The following TET1 variants were observed in gnomAD, a reference collection of about 807,000 sequenced individuals.
TET1 encodes tet methylcytosine dioxygenase 1, also known as methylcytosine dioxygenase TET1.
Under a neutral mutation model 148.7 loss-of-function variants are expected in TET1, and 13 were observed. That is an observed-to-expected ratio of 0.09 (90% CI 0.06 to 0.14). The LOEUF is 0.14. TET1 is among the 10% of genes least tolerant of loss of function. The probability of loss-of-function intolerance (pLI) is 1.00; values close to 1 mark genes in which losing one functional copy is unlikely to be tolerated. For missense variants in TET1, 2,182 were observed against 2,553.8 expected, an observed-to-expected ratio of 0.85 and a Z score of 3.14; for synonymous variants, 907 against 937.2, an observed-to-expected ratio of 0.97 and a Z score of 0.59.
intron 3 of TET1, among the ~76,000 whole-genome samples, chr10:68,601,594 T>C (rs2054056423): frequency 6.6e-6 from 1 of 152,232 alleles, no homozygotes; most frequent in African/African-American, 2.4e-5. Flanking sequence ...ATGTTTTCTT[T>C]ATTTTCTATA....
rs2053536427 is a variant in TET1 at position 68,560,379 on chromosome 10, G to C, written c.-486G>C. Among the ~76,000 whole-genome samples, 1 of 152,204 alleles carries C rather than the reference G, an allele frequency of 6.6e-6. No homozygotes were observed. The highest frequency in any genetic ancestry group is 2.4e-5 in the African/African-American group (1 of 41,464). On this transcript the variant is annotated 5_prime_UTR_variant, in exon 1 of 12. Transcript: ENST00000373644. ...CTGGGGAGACACTGCTGCTCCGGGG[G>C]GCTGACCTGGCGGGGAGTGGCCGCG...
At chr10:68,618,747 G>T (rs1182493125) in intron 3 of TET1, among the ~76,000 whole-genome samples, 1 of 152,200 alleles carries the variant, frequency 6.6e-6, no homozygotes, top group Non-Finnish European at 1.5e-5. Flanking sequence ...AGGGCAACAT[G>T]TCAAAGTGTA....
At chr10:68,599,730 G>A (rs1482460975) in intron 2 of TET1, among the ~76,000 whole-genome samples, 1 of 152,240 alleles carries the variant, frequency 6.6e-6, no homozygotes, top group African/African-American at 2.4e-5. Flanking sequence ...TAGATGCTCA[G>A]TGACAGTTGA....
intron 3 of TET1, among the ~76,000 whole-genome samples, chr10:68,624,080 C>G (rs1282420820): frequency 1.3e-5 from 2 of 148,682 alleles, no homozygotes; most frequent in Admixed American, 6.8e-5. Flanking sequence ...CACATATTTT[C>G]TTTTTTCTTT....
In TET1 at chr10:68,595,951, TATATATATATACACAC is replaced by T. The variant is rs1162721115; in HGVS notation, c.1915-5028_1915-5013del. Among the ~76,000 whole-genome samples the T allele has an allele frequency of 1.9e-3, 61 of 31,946 alleles. 2 individuals carry two copies. The highest frequency in any genetic ancestry group is 0.03 in the Middle Eastern group (2 of 66). The allele number at this position is 31,946 out of a possible 152,430, so 21.0% of individuals were successfully genotyped here. A position where few individuals can be genotyped will look rare whatever the true frequency, so the allele number is the denominator to read the frequency against. ...ATATATATATATATATATATATATA[TATATATATATACACAC>T]ACACACACACATATATACACACACA... On this transcript the variant is annotated intron_variant, in intron 2 of 11. Coordinates refer to ENST00000373644, the MANE Select transcript of TET1 (RefSeq NM_030625.3).
chr10:68,644,039 G>T (rs181869361), intron 3 of TET1, among the ~76,000 whole-genome samples: 4 of 151,444 alleles, frequency 2.6e-5, no homozygotes, highest in African/African-American at 7.3e-5. Context: ...CAAGTAGCTG[G>T]GATTACAGGT....
At chr10:68,587,352 T>A (rs1305387126) in intron 2 of TET1, among the ~76,000 whole-genome samples, 1 of 152,182 alleles carries the variant, frequency 6.6e-6, no homozygotes, top group African/African-American at 2.4e-5. Flanking sequence ...GGAGTGGATA[T>A]AGGTTAGATT....
At position 68,645,893 on chromosome 10, in the gene TET1, G is replaced by T; in HGVS notation, c.3164G>T (p.Ser1055Ile). Residue 1055 changes from serine (S) to isoleucine (I), a missense_variant, in exon 4 of 12, where the codon AGC becomes ATC. Coordinates refer to ENST00000373644, the MANE Select transcript of TET1 (RefSeq NM_030625.3). The stretch of plus-strand genomic sequence containing the variant: ...TATTGCAACCAGTTACTGGACAGCA[G>T]CAAAAAATTGGACTCAGATGATCTA... ...VEYCNQLLDS[S>I]KKLDSDDLSC... 6.2e-7 allele frequency: 1 copy of T among 1,613,878 alleles called. No individual in the cohort carries two copies. The highest frequency in any genetic ancestry group is 8.5e-7 in the Non-Finnish European group (1 of 1,179,996).
intron 6 of TET1, among the ~76,000 whole-genome samples, chr10:68,661,083 G>GC (rs1185110706): frequency 5.3e-5 from 8 of 150,942 alleles, no homozygotes; most frequent in Non-Finnish European, 1.2e-4. Context: ...AGGCTGGAGT[G>GC]CAGTGGTGCG....
chr10:68,584,486 A>G (rs1176691363), intron 2 of TET1, among the ~76,000 whole-genome samples: 1 of 151,784 alleles, frequency 6.6e-6, no homozygotes, highest in African/African-American at 2.4e-5. Context: ...GGGCTGGCAG[A>G]TCACTTGAGG....
rs543795938 is a variant in TET1, at chr10:68,661,871, A to T, written c.4462-5174A>T. Among the ~76,000 whole-genome samples, 682 of 121,592 alleles carry T rather than the reference A, an allele frequency of 5.6e-3. 7 individuals carry two copies. Among genetic ancestry groups the T allele is most frequent in the African/African-American group, 0.019 (608 of 32,568 alleles). The allele number at this position is 121,592 out of a possible 152,430, so 79.8% of individuals were successfully genotyped here. On this transcript the variant is annotated intron_variant, in intron 6 of 11. Transcript: ENST00000373644. ...TTGTGGGTTTTTTAATTTAAAAAAA[A>T]TTTTTTTTCTTTTTTTTTTTTTTTT...
In TET1 at chr10:68,644,766, T is replaced by C. The variant is rs764293929; in HGVS notation, c.2037T>C (p.His679=). 13 of 1,613,234 alleles carry C rather than the reference T, an allele frequency of 8.1e-6. No individual in the cohort carries two copies. In the South Asian group the frequency reaches 1.3e-4, roughly 16 times the overall value. Reference sequence around the variant, plus strand: ...CCATGGACTACAGTAGATGTGGTCATGGGGAAGAACAAAAATTGGAATTGA... The same window carrying C: ...CCATGGACTACAGTAGATGTGGTCACGGGGAAGAACAAAAATTGGAATTGA... ...SESMDYSRCG[H]GEEQKLELNP... Residue 679 remains histidine (H), a synonymous_variant, in exon 4 of 12, where the codon CAT becomes CAC. Transcript: ENST00000373644.
chr10:68,644,899 G>A lies in TET1; in HGVS notation c.2170G>A (p.Gly724Arg), dbSNP rs2133083635. The change falls in exon 4 of 12, where the codon GGA becomes AGA. Residue 724 changes from glycine to arginine, a missense_variant. Transcript: ENST00000373644. ...ATCACAGTTAACTGATCACGTGAAA[G>A]GAGATTTTAGTGCTAATGTCCCAGA... is the stretch of plus-strand genomic sequence containing the variant. ...KKSQLTDHVK[G>R]DFSANVPEAE... is the part of the protein sequence containing the mutation. The A allele has an allele frequency of 6.2e-7, 1 of 1,612,392 alleles. No individual in the cohort carries two copies. Among genetic ancestry groups the A allele is most frequent in the Non-Finnish European group, 8.5e-7 (1 of 1,179,466 alleles).
intron 7 of TET1, among the ~76,000 whole-genome samples, chr10:68,669,273 A>G (rs111689299): frequency 2.0e-5 from 3 of 151,888 alleles, no homozygotes; most frequent in African/African-American, 7.2e-5. Flanking sequence ...CAGTTCACAA[A>G]TACAGAAAGA....
chr10:68,670,665 G>A (rs540159324), intron 7 of TET1, among the ~76,000 whole-genome samples: 1 of 152,102 alleles, frequency 6.6e-6, no homozygotes, highest in South Asian at 2.1e-4. Flanking sequence ...CTTTTTCAAT[G>A]ATATGAATAA....
intron 7 of TET1, among the ~76,000 whole-genome samples, chr10:68,672,322 T>C (rs1194072986): frequency 6.6e-6 from 1 of 151,236 alleles, no homozygotes; most frequent in African/African-American, 2.4e-5. Flanking sequence ...AACCCGTCTC[T>C]ACTAAAAATA....
At chr10:68,689,392 C>A (rs1413818830) in intron 11 of TET1, among the ~76,000 whole-genome samples, 1 of 152,048 alleles carries the variant, frequency 6.6e-6, no homozygotes, top group Non-Finnish European at 1.5e-5. Context: ...TTTGCACTTC[C>A]AAATAGTTTT....
Position 68,644,823 on chromosome 10 carries a change from T to G in TET1, c.2094T>G (p.Asn698Lys), listed in dbSNP as rs755923441. ...ATACTGTTGAAAATGTAACTAAAAA[T>G]GAAGACAGCATGACAGGCATCGAGG... ...NPHTVENVTK[N>K]EDSMTGIEVE... The change falls in exon 4 of 12, where the codon AAT (asparagine) becomes AAG (lysine). Residue 698 changes from asparagine (N) to lysine (K), a missense_variant. Transcript: ENST00000373644. 3 of 1,613,784 alleles carry G rather than the reference T, an allele frequency of 1.9e-6. No homozygotes were observed. In the South Asian group the frequency reaches 3.3e-5, roughly 18 times the overall value.
At chr10:68,568,874 C>T (rs2053635694) in intron 1 of TET1, among the ~76,000 whole-genome samples, 1 of 151,880 alleles carries the variant, frequency 6.6e-6, no homozygotes, top group Non-Finnish European at 1.5e-5. Context: ...AAGAAAAAGA[C>T]CTGTGGGATC....
Sources: gnomAD v4.1 joint callset for allele counts (sites outside exome capture counted in the v4.1 genomes callset) on GRCh38, gnomAD v4.1.1 for gene constraint, MANE v1.5 for transcripts, NCBI Gene and HGNC (gene_info 2026-07-23, HGNC 2026-07-21) for gene names.